ALCAM: variants seen among roughly 807,000 people sequenced by gnomAD.
ALCAM encodes CD166 antigen.
Under a neutral mutation model 70.9 loss-of-function variants are expected in ALCAM, and 30 were observed. That is an observed-to-expected ratio of 0.42 (90% CI 0.32 to 0.57). ALCAM has a LOEUF of 0.57. Among genes scored for constraint, ALCAM ranks in the 20% least tolerant of loss-of-function variants. The pLI is 0.11. For synonymous variants in ALCAM, 249 were observed against 242.5 expected (o/e 1.03, Z -0.25); for missense variants, 591 against 695.1 (o/e 0.85, Z 1.68).
chr3:105,419,838 A>G (rs1417590635), intron 1 of ALCAM, among the ~76,000 whole-genome samples: 1 of 151,828 alleles, frequency 6.6e-6, no homozygotes, highest in Non-Finnish European at 1.5e-5. Context: ...ACAAGTAATT[A>G]TAATATCACA....
At chr3:105,536,954 T>G (rs534484882) in intron 6 of ALCAM, among the ~76,000 whole-genome samples, 1 of 152,264 alleles carries the variant, frequency 6.6e-6, no homozygotes, top group East Asian at 1.9e-4. Flanking sequence ...ATTGACACTC[T>G]GCATTTGTAA....
intron 1 of ALCAM, among the ~76,000 whole-genome samples, chr3:105,517,272 T>C (rs915182988): frequency 3.9e-5 from 6 of 152,012 alleles, no homozygotes; most frequent in African/African-American, 1.2e-4. Flanking sequence ...AACTTGAAAA[T>C]TGATTCTAAA....
chr3:105,520,699 G>A (rs1005153664), intron 2 of ALCAM, among the ~76,000 whole-genome samples: 12 of 152,062 alleles, frequency 7.9e-5, no homozygotes, highest in African/African-American at 2.9e-4. Context: ...CTTGCAGATA[G>A]TAAAATCAAA....
chr3:105,409,472 CAT>C lies in ALCAM; in HGVS notation c.73+41996_73+41997del, dbSNP rs200058650. On this transcript the variant is annotated intron_variant, in intron 1 of 15. Transcript: ENST00000306107. ...AACTCAAGAATGGAAAACCAAGCAT[CAT>C]ATATTTTCACTCATATGTGGGAGCT... 9.0e-3 allele frequency among the ~76,000 whole-genome samples: 1,368 copies of C among 152,170 alleles called. 16 individuals are homozygous for C. Among genetic ancestry groups the C allele is most frequent in the African/African-American group, 0.015 (621 of 41,552 alleles).
chr3:105,571,904 A>C lies in ALCAM; in HGVS notation c.1717A>C (p.Lys573Gln). Reference sequence around the variant, plus strand: ...CCTCGGTAATATGGAAGAAAACAAAAAGTTAGAAGAAAACAATCACAAAAC... The same window carrying C: ...CCTCGGTAATATGGAAGAAAACAAACAGTTAGAAGAAAACAATCACAAAAC... The part of the protein sequence containing the change: ...KDLGNMEENK[K>Q]LEENNHKTEA The change falls in exon 15 of 16, where the codon AAG becomes CAG. Residue 573 changes from lysine (K) to glutamine (Q), a missense_variant. Lys to Gln is a moderately conservative substitution (Grantham distance 53). Around this residue, in one of 2 missense-constraint regions of ALCAM, gnomAD observed 164 missense variants for 244.7 expected, o/e 0.67. Coordinates refer to ENST00000306107, the MANE Select transcript of ALCAM (RefSeq NM_001627.4). The C allele has an allele frequency of 6.2e-7, 1 of 1,613,656 alleles. No individual in the cohort carries two copies. The highest frequency in any genetic ancestry group is 2.2e-5 in the East Asian group (1 of 44,850).
intron 14 of ALCAM, among the ~76,000 whole-genome samples, chr3:105,556,302 G>A (rs894777478): frequency 1.3e-5 from 2 of 151,982 alleles, no homozygotes; most frequent in African/African-American, 2.4e-5. Flanking sequence ...GTATTTAAGA[G>A]ACTCTGACCT....
At chr3:105,430,867 A>T (rs991771600) in intron 1 of ALCAM, among the ~76,000 whole-genome samples, 1 of 152,040 alleles carries the variant, frequency 6.6e-6, no homozygotes, top group Admixed American at 6.6e-5. Context: ...ATCAGTATGG[A>T]CTCATGAATA....
At chr3:105,507,679 C>T (rs1257255689) in intron 1 of ALCAM, among the ~76,000 whole-genome samples, 1 of 152,082 alleles carries the variant, frequency 6.6e-6, no homozygotes, top group Non-Finnish European at 1.5e-5. Context: ...TGAAGGACAT[C>T]TTGTCCAAGT....
rs1576148827 is a variant in ALCAM, at chr3:105,416,495, ATATACT to A, written c.73+49017_73+49022del. Among the ~76,000 whole-genome samples, 5 of 152,172 alleles carry A rather than the reference ATATACT, an allele frequency of 3.3e-5. No individual in the cohort carries two copies. In the East Asian group the frequency reaches 9.7e-4, roughly 29 times the overall value. ...AATCACACCATAAATAATACATATA[ATATACT>A]TAGCTCAGTTTATGGATCACAGTAA... On this transcript the variant is annotated intron_variant, in intron 1 of 15. Coordinates refer to ENST00000306107, the MANE Select transcript of ALCAM (RefSeq NM_001627.4).
At chr3:105,533,511 G>T in intron 4 of ALCAM, 92 bp from the exon 5 acceptor site, 1 of 1,028,332 alleles carries the variant, frequency 9.7e-7, no homozygotes, top group Non-Finnish European at 1.5e-6. Context: ...AGAAACCCTT[G>T]GAATAACTCT....
At chr3:105,530,364 T>A (rs1939807508) in intron 3 of ALCAM, among the ~76,000 whole-genome samples, 1 of 152,062 alleles carries the variant, frequency 6.6e-6, no homozygotes, top group South Asian at 2.1e-4. Context: ...AGGTTTACTC[T>A]TACGTGAAAG....
intron 1 of ALCAM, among the ~76,000 whole-genome samples, chr3:105,495,063 T>C (rs1330978404): frequency 6.6e-6 from 1 of 152,196 alleles, no homozygotes; most frequent in Non-Finnish European, 1.5e-5. Flanking sequence ...AAAGCCTAAC[T>C]TTCTCTTTGC....
At chr3:105,528,031 G>A (rs1294201552) in intron 3 of ALCAM, among the ~76,000 whole-genome samples, 6 of 152,170 alleles carry the variant, frequency 3.9e-5, no homozygotes, top group Non-Finnish European at 8.8e-5. Context: ...TTGGCTTAAA[G>A]TACTTCATGA....
chr3:105,564,794 C>A (rs1208852288), intron 14 of ALCAM, among the ~76,000 whole-genome samples: 3 of 152,146 alleles, frequency 2.0e-5, no homozygotes, highest in Non-Finnish European at 2.9e-5. Flanking sequence ...ACTTGTAATC[C>A]CACCACTTCG....
intron 14 of ALCAM, among the ~76,000 whole-genome samples, chr3:105,568,443 C>A (rs13325976): frequency 0.082 from 12,524 of 152,016 alleles, 659 homozygotes; most frequent in Non-Finnish European, 0.12. Context: ...GTTTCAGTAC[C>A]AAGACTGATG....
chr3:105,410,924 T>C (rs757120476), intron 1 of ALCAM, among the ~76,000 whole-genome samples: 4 of 152,082 alleles, frequency 2.6e-5, no homozygotes, highest in Non-Finnish European at 5.9e-5. Flanking sequence ...ATTTTTCCCA[T>C]TGTAGACCTT....
intron 1 of ALCAM, among the ~76,000 whole-genome samples, chr3:105,397,673 A>T (rs1478919201): frequency 6.6e-6 from 1 of 151,970 alleles, no homozygotes; most frequent in African/African-American, 2.4e-5. Context: ...ATTCTAAACT[A>T]TTTACGTATA....
intron 1 of ALCAM, among the ~76,000 whole-genome samples, chr3:105,383,848 T>G (rs1322529028): frequency 2.0e-5 from 3 of 151,860 alleles, no homozygotes; most frequent in East Asian, 3.9e-4. Context: ...TCCCACAGGA[T>G]AATTGTAGAC....
At chr3:105,466,179 C>T (rs1937727492) in intron 1 of ALCAM, among the ~76,000 whole-genome samples, 1 of 151,376 alleles carries the variant, frequency 6.6e-6, no homozygotes, top group Non-Finnish European at 1.5e-5. Flanking sequence ...CTTAACTGCT[C>T]AACAATTTGG....
Sources: allele counts gnomAD v4.1 joint callset (sites outside exome capture counted in the v4.1 genomes callset), GRCh38; gene constraint gnomAD v4.1.1; regional missense constraint gnomAD v4.1.1; transcripts MANE v1.5; gene names NCBI Gene and HGNC (gene_info 2026-07-23, HGNC 2026-07-21).